The following CEP104 variants were observed in gnomAD, a reference collection of about 807,000 sequenced individuals.
CEP104 encodes the protein centrosomal protein 104.
A neutral mutation model predicts 113.3 loss-of-function variants in CEP104; 84 were observed. The observed-to-expected ratio is 0.74, with a 90% CI of 0.62 to 0.89. The LOEUF is 0.89. Ranked by LOEUF, CEP104 falls within the 40% of genes least tolerant of loss-of-function variation. The probability of loss-of-function intolerance (pLI) is 0.00; values close to 1 mark genes in which losing one functional copy is unlikely to be tolerated. For synonymous variants in CEP104, 378 were observed against 421.7 expected (o/e 0.90, Z 1.27); for missense variants, 1,053 against 1,156.6 (o/e 0.91, Z 1.30).
chr1:3,847,980 G>A (rs766692602), intron 3 of CEP104, among the ~76,000 whole-genome samples: 29 of 151,972 alleles, frequency 1.9e-4, no homozygotes, highest in African/African-American at 7.0e-4. Context: ...GATTATAGAC[G>A]CTCACCACCA....
At chr1:3,852,901 C>CGGCCAAGGAGGCCAAGGA (rs138280171) in intron 1 of CEP104, among the ~76,000 whole-genome samples, 1 of 151,958 alleles carries the variant, frequency 6.6e-6, no homozygotes, top group Admixed American at 6.6e-5. Context: ...CTAAGCGGGC[C>CGGCCAAGGAGGCCAAGGA]GGCCAAGGAC....
intron 13 of CEP104, among the ~76,000 whole-genome samples, chr1:3,830,233 G>A (rs890067105): frequency 6.6e-6 from 1 of 151,772 alleles, no homozygotes; most frequent in Non-Finnish European, 1.5e-5. Flanking sequence ...TGTGGCTATA[G>A]TGCAATTTCA....
At chr1:3,839,582 G>C in intron 7 of CEP104, 26 bp downstream of exon 7, 1 of 1,593,716 alleles carries the variant, frequency 6.3e-7, no homozygotes. Flanking sequence ...GCATAAATTA[G>C]GAACTGTTTT....
At chr1:3,853,646 G>A (rs988993994) in intron 1 of CEP104, among the ~76,000 whole-genome samples, 2 of 152,140 alleles carry the variant, frequency 1.3e-5, no homozygotes, top group African/African-American at 2.4e-5. Flanking sequence ...TATTGCTAAT[G>A]TTTCTTGGAA....
At position 3,848,766 on chromosome 1, in the gene CEP104, T is replaced by C. The variant is rs1276610899; in HGVS notation, c.129A>G (p.Pro43=). The change falls in exon 3 of 22, where the codon CCA becomes CCG. Residue 43 remains proline (P), a synonymous_variant. Coordinates refer to ENST00000378230, the MANE Select transcript of CEP104 (RefSeq NM_014704.4). The stretch of plus-strand genomic sequence containing the variant: ...CCACCATTTGAAGGACAATTTCTTG[T>C]GGAAACTGGCAAAATCTGAAAGCAA... ...GWRSPRFCQF[P]QEIVLQMVER... The C allele has an allele frequency of 1.9e-6, 3 of 1,607,788 alleles. No individual in the cohort carries two copies. The highest frequency in any genetic ancestry group is 1.7e-6 in the Non-Finnish European group (2 of 1,178,354).
Position 3,829,943 on chromosome 1 carries a change from GA to G in CEP104, c.1890del (p.Arg631GlufsTer41). On this transcript the variant is annotated frameshift_variant, in exon 14 of 22. Transcript: ENST00000378230. LOFTEE classifies it high-confidence loss of function. ...TGTCTGTACATGTCCAAAATAATTC[GA>G]ACCGCCGTCTCGCGGACCTCATACA... ...HRVYEVRETA[V>X]RIILDMYRQH... is the part of the protein sequence containing the mutation. The G allele has an allele frequency of 6.2e-7, 1 of 1,614,136 alleles. No homozygotes were observed. The highest frequency in any genetic ancestry group is 8.5e-7 in the Non-Finnish European group (1 of 1,180,034).
intron 6 of CEP104, among the ~76,000 whole-genome samples, chr1:3,844,222 G>C (rs1644465716): frequency 6.6e-6 from 1 of 152,188 alleles, no homozygotes; most frequent in African/African-American, 2.4e-5. Context: ...AATATCAAAG[G>C]ACGGCTGACA....
At chr1:3,826,301 C>CT in intron 17 of CEP104, 69 bp downstream of exon 17, 1 of 1,409,760 alleles carries the variant, frequency 7.1e-7, no homozygotes. Context: ...GACGCATTCC[C>CT]TTTCCAGGGT....
intron 12 of CEP104, 131 bp downstream of exon 12, chr1:3,833,731 G>T (rs1306024484): frequency 1.3e-5 from 11 of 822,228 alleles, no homozygotes; most frequent in Non-Finnish European, 1.7e-5. Context: ...TAAGGAAAGT[G>T]TGATGGTGAA....
At position 3,816,300 on chromosome 1, in the gene CEP104, T is replaced by C; in HGVS notation, c.2642A>G (p.Lys881Arg). ...MNLRKTHILQ[K>R]APALQPGKSS... ...CTCACCTGGCTGCAGTGCCGGGGCC[T>C]TCTGCAGAATGTGTGTCTTGCGCAG... The change falls in exon 21 of 22, where the codon AAG becomes AGG. Residue 881 changes from lysine (K) to arginine (R), a missense_variant. By Grantham distance (26) the Lys-to-Arg change is conservative. Coordinates refer to ENST00000378230, the MANE Select transcript of CEP104 (RefSeq NM_014704.4). 6.4e-7 allele frequency: 1 copy of C among 1,553,020 alleles called. No homozygotes were observed. Among genetic ancestry groups the C allele is most frequent in the Non-Finnish European group, 8.7e-7 (1 of 1,147,666 alleles).
intron 15 of CEP104, among the ~76,000 whole-genome samples, chr1:3,827,052 T>C (rs1031244420): frequency 2.6e-5 from 4 of 152,012 alleles, no homozygotes; most frequent in Non-Finnish European, 5.9e-5. Flanking sequence ...CTCAGGAGGC[T>C]GGGGAGGGAG....
chr1:3,850,028 G>A (rs1004230180), intron 2 of CEP104, among the ~76,000 whole-genome samples: 4 of 152,194 alleles, frequency 2.6e-5, no homozygotes, highest in African/African-American at 7.2e-5. Flanking sequence ...GCACTGTCAC[G>A]TGCTGTACAG....
At chr1:3,820,562 TC>T (rs995348919) in intron 20 of CEP104, among the ~76,000 whole-genome samples, 1 of 41,590 alleles carries the variant, frequency 2.4e-5, no homozygotes, top group Admixed American at 1.7e-4. Context: ...CCAGGGTTCT[TC>T]CAAGATGCCT....
At position 3,839,056 on chromosome 1, in the gene CEP104, C is replaced by G; in HGVS notation, c.799G>C (p.Asp267His). The G allele has an allele frequency of 2.5e-6, 4 of 1,614,124 alleles. No homozygotes were observed. Among genetic ancestry groups the G allele is most frequent in the South Asian group, 1.1e-5 (1 of 91,084 alleles). ...KRCAVEKEDY[D>H]LAKEKKQQME... Reference sequence around the variant, plus strand: ...TGCTGCTTCTTCTCCTTGGCGAGATCGTAGTCTTCCTTCTCCACGGCACAG... The same window carrying G: ...TGCTGCTTCTTCTCCTTGGCGAGATGGTAGTCTTCCTTCTCCACGGCACAG... The change falls in exon 8 of 22, where the codon GAT becomes CAT. Residue 267 changes from aspartate (D) to histidine (H), a missense_variant. Physicochemically the swap from Asp to His is moderately conservative, Grantham distance 81 (BLOSUM62 -1). Coordinates refer to ENST00000378230, the MANE Select transcript of CEP104 (RefSeq NM_014704.4).
At chr1:3,821,202 C>T (rs530092116) in intron 20 of CEP104, among the ~76,000 whole-genome samples, 1 of 152,354 alleles carries the variant, frequency 6.6e-6, no homozygotes, top group Admixed American at 6.5e-5. Flanking sequence ...GGAGGGAGCT[C>T]TCTGAGGCTG....
Position 3,814,536 on chromosome 1 carries a change from T to C in CEP104, c.*866A>G, listed in dbSNP as rs1458623504. 1 of 152,262 alleles carries C rather than the reference T, an allele frequency of 6.6e-6. No homozygotes were observed. Among genetic ancestry groups the C allele is most frequent in the Non-Finnish European group, 1.5e-5 (1 of 68,052 alleles). 9.4% of individuals were successfully genotyped at this position (152,262 alleles called of 1,614,324 possible). A position where few individuals can be genotyped will look rare whatever the true frequency, so the allele number is the denominator to read the frequency against. On this transcript the variant is annotated 3_prime_UTR_variant, in exon 22 of 22. Transcript: ENST00000378230. ...CCCATACCAGTGGGCTTCTGCCTGCTGTGAACACAGGGTGATCAGGTGGAA... is the reference window on the plus strand; with the variant it reads ...CCCATACCAGTGGGCTTCTGCCTGCCGTGAACACAGGGTGATCAGGTGGAA...
rs1053847340 is a variant in CEP104, at chr1:3,826,219, G to A, written c.2255+151C>T. The A allele has an allele frequency of 4.5e-6, 3 of 667,960 alleles. No individual in the cohort carries two copies. In the African/African-American group the frequency reaches 5.4e-5, roughly 12 times the overall value. The allele number at this position is 667,960 out of a possible 1,614,324, so 41.4% of individuals were successfully genotyped here. ...AGGGAAAGTTGTCTTGACTGACTCG[G>A]AGTGGATGCTGGTTAGTGCAGAAGG... On this transcript the variant is annotated intron_variant, in intron 17 of 21. Coordinates refer to ENST00000378230, the MANE Select transcript of CEP104 (RefSeq NM_014704.4).
Position 3,837,305 on chromosome 1 carries a change from T to C in CEP104, c.1106A>G (p.His369Arg), listed in dbSNP as rs773453162. ...VDPLLPATDP[H>R]PKINAESLPY... ...AGAATTACCTACATTGATCTTTGGA[T>C]GAGGATCTGTGGCAGGGAGTAACGG... Residue 369 changes from histidine (H) to arginine (R), a missense_variant, in exon 9 of 22, where the codon CAT becomes CGT. By Grantham distance (29) the His-to-Arg change is conservative. Coordinates refer to ENST00000378230, the MANE Select transcript of CEP104 (RefSeq NM_014704.4). The C allele has an allele frequency of 6.2e-7, 1 of 1,610,460 alleles. No homozygotes were observed. Among genetic ancestry groups the C allele is most frequent in the Non-Finnish European group, 8.5e-7 (1 of 1,176,764 alleles).
rs566261234 is a variant in CEP104, at chr1:3,842,109, C to T, written c.567-2333G>A. On this transcript the variant is annotated intron_variant, in intron 6 of 21. Coordinates refer to ENST00000378230, the MANE Select transcript of CEP104 (RefSeq NM_014704.4). ...ATTTTTTTATTTTTATTTTTTGAGA[C>T]GGAGTCTCGCTCTTGTCGCCCAGGC... Among the ~76,000 whole-genome samples the T allele has an allele frequency of 1.8e-4, 27 of 152,308 alleles. No homozygotes were observed. In the South Asian group the frequency reaches 2.9e-3, roughly 16 times the overall value.
Sources: allele counts gnomAD v4.1 joint callset (sites outside exome capture counted in the v4.1 genomes callset), GRCh38; gene constraint gnomAD v4.1.1; transcripts MANE v1.5; gene names NCBI Gene and HGNC (gene_info 2026-07-23, HGNC 2026-07-21).